NXF1: variants seen among roughly 807,000 people sequenced by gnomAD.
NXF1 encodes the protein nuclear RNA export factor 1.
A neutral mutation model predicts 92.4 loss-of-function variants in NXF1; 43 were observed. The ratio of observed to expected loss-of-function variants is 0.47; its 90% confidence interval spans 0.36 to 0.60. The LOEUF (loss-of-function observed/expected upper bound fraction) is 0.60. Ranked by LOEUF, NXF1 falls within the 20% of genes least tolerant of loss-of-function variation. The pLI is 0.00. For missense variants in NXF1, 576 were observed against 793.0 expected (o/e 0.73, Z 3.29); for synonymous variants, 288 against 292.2 (o/e 0.99, Z 0.15).
chr11:62,799,465 G>A, intron 10 of NXF1: 2 of 985,812 alleles, frequency 2.0e-6, no homozygotes, highest in Non-Finnish European at 2.4e-6. Context: ...TTGTGGGGGT[G>A]AGGGTCCATG....
In NXF1 at chr11:62,794,930, C is replaced by T. The variant is rs529155336; in HGVS notation, c.1577+5G>A. The stretch of plus-strand genomic sequence containing the variant: ...GGTATCCAATGCGAAAAGCAGAATA[C>T]TTACCCTGAATTGCTAGCAGGAACA... On this transcript the variant is annotated splice_donor_5th_base_variant and intron_variant, in intron 18 of 20. Transcript: ENST00000294172. 1 of 1,613,936 alleles carries T rather than the reference C, an allele frequency of 6.2e-7. No homozygotes were observed. The highest frequency in any genetic ancestry group is 8.5e-7 in the Non-Finnish European group (1 of 1,179,902).
chr11:62,800,774 T>C (rs1022768482), intron 9 of NXF1, among the ~76,000 whole-genome samples: 2 of 151,972 alleles, frequency 1.3e-5, no homozygotes, highest in East Asian at 3.9e-4. Flanking sequence ...GACTAATTTA[T>C]TTTTTAAATT....
At position 62,792,363 on chromosome 11, in the gene NXF1, G is replaced by T. The variant is rs1590947063; in HGVS notation, c.*113C>A. Reference sequence around the variant, plus strand: ...GGATCAGGCAGCCCTCCCTCCCTCGGTCACAGTCACGGGGCGGCCTCGGGC... The same window carrying T: ...GGATCAGGCAGCCCTCCCTCCCTCGTTCACAGTCACGGGGCGGCCTCGGGC... On this transcript the variant is annotated 3_prime_UTR_variant, in exon 21 of 21. Transcript: ENST00000294172. 1 of 1,323,542 alleles carries T rather than the reference G, an allele frequency of 7.6e-7. No individual in the cohort carries two copies. Among genetic ancestry groups the T allele is most frequent in the East Asian group, 2.3e-5 (1 of 43,402 alleles). The allele number at this position is 1,323,542 out of a possible 1,614,324, so 82.0% of individuals were successfully genotyped here. A position where few individuals can be genotyped will look rare whatever the true frequency, so the allele number is the denominator to read the frequency against.
At chr11:62,793,063 G>A (rs927441525) in intron 19 of NXF1, among the ~76,000 whole-genome samples, 1 of 149,878 alleles carries the variant, frequency 6.7e-6, no homozygotes, top group Non-Finnish European at 1.5e-5. Context: ...AGACTATCAG[G>A]TTTGTGTTTT....
At chr11:62,797,854 G>A (rs1001981734) in intron 11 of NXF1, among the ~76,000 whole-genome samples, 15 of 152,084 alleles carry the variant, frequency 9.9e-5, no homozygotes, top group African/African-American at 3.4e-4. Flanking sequence ...CAGGCTGGGC[G>A]CAGTGGCTCA....
intron 1 of NXF1, 124 bp downstream of exon 1, chr11:62,805,205 C>T (rs1354916949): frequency 2.0e-5 from 18 of 889,170 alleles, no homozygotes; most frequent in Admixed American, 4.4e-5. Context: ...CCCGGCCCCC[C>T]GCGCGCCGCT....
chr11:62,801,780 T>C lies in NXF1; in HGVS notation c.598A>G (p.Ile200Val), dbSNP rs201901987. ...IINSSAPPHT[I>V]LNELKPEQVE... ...TGTTCTGGCTTCAGTTCATTCAGTA[T>C]AGTGTGGGGTGGAGCAGAAGAGTTG... Residue 200 changes from isoleucine to valine, a missense_variant, in exon 6 of 21, where the codon ATA becomes GTA. Ile to Val is a conservative substitution (Grantham distance 29, BLOSUM62 3). Transcript: ENST00000294172. 5.6e-6 allele frequency: 9 copies of C among 1,613,888 alleles called. No homozygotes were observed. In the Admixed American group the frequency reaches 1.0e-4, roughly 18 times the overall value.
Position 62,794,444 on chromosome 11 carries a change from G to C in NXF1, c.1578-4C>G, listed in dbSNP as rs767938333. On this transcript the variant is annotated splice_region_variant and splice_polypyrimidine_tract_variant and intron_variant, in intron 18 of 20. Transcript: ENST00000294172. ...CTCATCATTTACAATACATAGCCTT[G>C]AGGACAAAGAGCACTTAAAAAGCTA... The C allele has an allele frequency of 6.2e-6, 10 of 1,602,842 alleles. No homozygotes were observed. The East Asian group carries it at 2.2e-4, about 36-fold the overall frequency.
At chr11:62,799,345 G>A in intron 10 of NXF1, 1 of 985,786 alleles carries the variant, frequency 1.0e-6, no homozygotes, top group Non-Finnish European at 1.2e-6. Context: ...CTGTTGGCCA[G>A]GTCTCTGTCT....
At chr11:62,804,009 A>G (rs748937906) in intron 1 of NXF1, 31 bp from the exon 2 acceptor site, 2 of 1,607,482 alleles carry the variant, frequency 1.2e-6, no homozygotes, top group Admixed American at 1.7e-5. Context: ...ACAAATTAGA[A>G]GTAAGTAACT....
intron 10 of NXF1, 103 bp downstream of exon 10, chr11:62,800,274 T>C: frequency 6.4e-7 from 1 of 1,564,698 alleles, no homozygotes; most frequent in Middle Eastern, 2.1e-4. Flanking sequence ...TGGTTCCAGC[T>C]CAGGGCTGCA....
intron 19 of NXF1, among the ~76,000 whole-genome samples, chr11:62,793,436 G>A (rs904191026): frequency 6.6e-6 from 1 of 152,142 alleles, no homozygotes; most frequent in African/African-American, 2.4e-5. Flanking sequence ...AGGAGCCCAG[G>A]CACAGTAACT....
chr11:62,795,807 G>A (rs2084413866), intron 17 of NXF1, 94 bp downstream of exon 17: 1 of 1,224,348 alleles, frequency 8.2e-7, no homozygotes, highest in Admixed American at 1.7e-5. Flanking sequence ...AAAAGAAAAT[G>A]GGAGAGAAAG....
intron 10 of NXF1, chr11:62,799,958 C>T (rs2084460488): frequency 3.0e-5 from 30 of 998,338 alleles, no homozygotes; most frequent in Non-Finnish European, 3.3e-5. Context: ...GAAGGCCCAT[C>T]TCAGTAGGAA....
chr11:62,794,741 T>G, intron 18 of NXF1, 194 bp downstream of exon 18: 7 of 605,250 alleles, frequency 1.2e-5, no homozygotes, highest in Non-Finnish European at 2.0e-5. Flanking sequence ...CTAGAAGTGG[T>G]GGAGCCAGGA....
intron 3 of NXF1, among the ~76,000 whole-genome samples, chr11:62,802,637 T>C (rs1334909222): frequency 6.6e-6 from 1 of 152,142 alleles, no homozygotes; most frequent in Admixed American, 6.5e-5. Context: ...GGGGTCTTGC[T>C]GTATTTCCCA....
chr11:62,795,998 CCCCTT>C lies in NXF1; in HGVS notation c.1462-60_1462-56del. 7 of 1,608,494 alleles carry C rather than the reference CCCCTT, an allele frequency of 4.4e-6. No homozygotes were observed. The Admixed American group carries it at 5.0e-5, about 12-fold the overall frequency. ...TACACTTCTCAGAGCCTGAGTGCCC[CCCCTT>C]GCCTATTAAATGCCACCCCCACCCC... On this transcript the variant is annotated intron_variant, in intron 16 of 20. Transcript: ENST00000294172.
At chr11:62,798,686 T>C in intron 10 of NXF1, 111 bp from the exon 11 acceptor site, 1 of 1,541,176 alleles carries the variant, frequency 6.5e-7, no homozygotes, top group Non-Finnish European at 8.7e-7. Flanking sequence ...ATCCTGCTCA[T>C]CCCTCCACTC....
rs767889099 is a variant in NXF1, at chr11:62,792,452, A to C, written c.*24T>G. The stretch of plus-strand genomic sequence containing the variant: ...TATCCAAGGACTATTTACAGGGGGG[A>C]CTGCTTCTGAGGCATGACTACGATC... On this transcript the variant is annotated 3_prime_UTR_variant, in exon 21 of 21. Transcript: ENST00000294172. 25 of 1,613,634 alleles carry C rather than the reference A, an allele frequency of 1.5e-5. No individual in the cohort carries two copies. Among genetic ancestry groups the C allele is most frequent in the Non-Finnish European group, 2.1e-5 (25 of 1,179,746 alleles).
Sources: allele counts gnomAD v4.1 joint callset (sites outside exome capture counted in the v4.1 genomes callset), GRCh38; gene constraint gnomAD v4.1.1; transcripts MANE v1.5; gene names NCBI Gene and HGNC (gene_info 2026-07-23, HGNC 2026-07-21).